Variants in KCNK13 observed in about 807,000 individuals in gnomAD.
KCNK13 encodes potassium two pore domain channel subfamily K member 13, also known as potassium channel subfamily K member 13.
KCNK13 carries 12 observed loss-of-function variants against 23.4 expected under a neutral mutation model. That is an observed-to-expected ratio of 0.51 (90% CI 0.33 to 0.83). The LOEUF (loss-of-function observed/expected upper bound fraction) is 0.83, where lower values mean the gene tolerates loss of function less well. KCNK13 is among the 40% of genes least tolerant of loss of function. The pLI, the probability that KCNK13 is intolerant of heterozygous loss-of-function variation, is 0.02. For missense variants in KCNK13, 463 were observed against 556.3 expected (o/e 0.83, Z 1.69); for synonymous variants, 231 against 229.5 (o/e 1.01, Z -0.06).
chr14:90,146,308 G>A (rs781293706), intron 1 of KCNK13, among the ~76,000 whole-genome samples: 1 of 151,978 alleles, frequency 6.6e-6, no homozygotes, highest in Non-Finnish European at 1.5e-5. Context: ...TTTATTTTGG[G>A]TTAATGTGGA....
Position 90,110,405 on chromosome 14 carries a change from G to A in KCNK13, c.334+47866G>A, listed in dbSNP as rs370273706. On this transcript the variant is annotated intron_variant, in intron 1 of 1. Coordinates refer to ENST00000282146, the MANE Select transcript of KCNK13 (RefSeq NM_022054.4). ...CAGGCACCTGTAATCCCAGCTACTC[G>A]GGAGGCAGAAGTTGCAGTGAGTCGA... Among the ~76,000 whole-genome samples the A allele has an allele frequency of 3.4e-4, 51 of 150,690 alleles. 1 individual carries two copies. In the East Asian group the frequency reaches 4.0e-3, roughly 12 times the overall value.
At chr14:90,115,040 C>T (rs1274364345) in intron 1 of KCNK13, among the ~76,000 whole-genome samples, 1 of 152,200 alleles carries the variant, frequency 6.6e-6, no homozygotes, top group Non-Finnish European at 1.5e-5. Flanking sequence ...CGATCCAAAT[C>T]ACTTCTACCA....
Position 90,185,133 on chromosome 14 carries a change from CT to C in KCNK13, c.*133del. 1.3e-6 allele frequency: 1 copy of C among 787,996 alleles called. No individual in the cohort carries two copies. The highest frequency in any genetic ancestry group is 1.9e-6 in the Non-Finnish European group (1 of 528,910). 48.8% of individuals were successfully genotyped at this position (787,996 alleles called of 1,614,324 possible). A position where few individuals can be genotyped will look rare whatever the true frequency, so the allele number is the denominator to read the frequency against. On this transcript the variant is annotated 3_prime_UTR_variant, in exon 2 of 2. Coordinates refer to ENST00000282146, the MANE Select transcript of KCNK13 (RefSeq NM_022054.4). The stretch of plus-strand genomic sequence containing the variant: ...TGTTCCCGGGAGCCTCCGCAAGCAT[CT>C]TTAGAAATCTGATCTCGGCTCCAAC...
intron 1 of KCNK13, among the ~76,000 whole-genome samples, chr14:90,104,904 C>T (rs1889525898): frequency 6.6e-6 from 1 of 151,520 alleles, no homozygotes; most frequent in Non-Finnish European, 1.5e-5. Flanking sequence ...ATCCTCCTGC[C>T]TCAGCATCCC....
At chr14:90,168,255 TC>T (rs550479553) in intron 1 of KCNK13, among the ~76,000 whole-genome samples, 123 of 152,140 alleles carry the variant, frequency 8.1e-4, no homozygotes, top group African/African-American at 2.9e-3. Flanking sequence ...GTGCCTGTAG[TC>T]CCAGCTACTG....
At chr14:90,096,214 C>G (rs1174438271) in intron 1 of KCNK13, among the ~76,000 whole-genome samples, 1 of 152,142 alleles carries the variant, frequency 6.6e-6, no homozygotes, top group Non-Finnish European at 1.5e-5. Context: ...TCAACTCAGC[C>G]TTCAGCTCCT....
intron 1 of KCNK13, among the ~76,000 whole-genome samples, chr14:90,143,174 T>TCTTTCTTTCTTTCTTTC (rs1566644736): frequency 1.3e-5 from 1 of 76,860 alleles, no homozygotes; most frequent in East Asian, 2.4e-4. Flanking sequence ...TTTCTTTCTT[T>TCTTTCTTTCTTTCTTTC]CTTTTCTTTT....
At chr14:90,072,235 C>T (rs564330337) in intron 1 of KCNK13, among the ~76,000 whole-genome samples, 2 of 152,332 alleles carry the variant, frequency 1.3e-5, no homozygotes, top group East Asian at 3.9e-4. Flanking sequence ...ATTAGGTGCT[C>T]AGGGTATATT....
At chr14:90,149,716 C>T (rs1890114047) in intron 1 of KCNK13, among the ~76,000 whole-genome samples, 1 of 152,108 alleles carries the variant, frequency 6.6e-6, no homozygotes, top group East Asian at 1.9e-4. Context: ...TCACAGCAGG[C>T]ATGGTGAGTT....
At chr14:90,107,111 G>T (rs1889553202) in intron 1 of KCNK13, among the ~76,000 whole-genome samples, 1 of 152,148 alleles carries the variant, frequency 6.6e-6, no homozygotes, top group Non-Finnish European at 1.5e-5. Context: ...GCTGACACAG[G>T]TGCTCTGTAC....
chr14:90,177,664 G>A (rs1566653045), intron 1 of KCNK13, among the ~76,000 whole-genome samples: 1 of 152,194 alleles, frequency 6.6e-6, no homozygotes, highest in Non-Finnish European at 1.5e-5. Context: ...ACACTGGTGT[G>A]TGAAGGAGTG....
chr14:90,135,397 G>A (rs1163303177), intron 1 of KCNK13, among the ~76,000 whole-genome samples: 2 of 152,194 alleles, frequency 1.3e-5, no homozygotes, highest in Non-Finnish European at 2.9e-5. Context: ...GAGGTTCACC[G>A]ACATCTCAAA....
rs1159458142 is a variant in KCNK13, at chr14:90,088,333, AG to A, written c.334+25795del. ...TAAATGTTTAACAACAAGCTTAAAA[AG>A]AAAGAAAGAAAGAAAGAAAGCTCTG... On this transcript the variant is annotated intron_variant, in intron 1 of 1. Transcript: ENST00000282146. Among the ~76,000 whole-genome samples the A allele has an allele frequency of 3.3e-3, 420 of 125,664 alleles. 3 individuals are homozygous for A. Among genetic ancestry groups the A allele is most frequent in the African/African-American group, 0.012 (398 of 32,444 alleles). 82.4% of individuals were successfully genotyped at this position (125,664 alleles called of 152,430 possible). A position where few individuals can be genotyped will look rare whatever the true frequency, so the allele number is the denominator to read the frequency against.
At chr14:90,070,028 A>T (rs1235175178) in intron 1 of KCNK13, among the ~76,000 whole-genome samples, 1 of 152,208 alleles carries the variant, frequency 6.6e-6, no homozygotes, top group African/African-American at 2.4e-5. Flanking sequence ...CCAACAACAA[A>T]CACTGTAAAT....
chr14:90,165,552 C>T (rs574464562), intron 1 of KCNK13, among the ~76,000 whole-genome samples: 9 of 152,316 alleles, frequency 5.9e-5, no homozygotes, highest in South Asian at 2.1e-4. Context: ...CACCTTTCAT[C>T]GGTTACATGC....
At chr14:90,117,282 G>A (rs1344219998) in intron 1 of KCNK13, among the ~76,000 whole-genome samples, 2 of 151,994 alleles carry the variant, frequency 1.3e-5, no homozygotes, top group South Asian at 2.1e-4. Flanking sequence ...CCTTAGAACG[G>A]CACTCAATTT....
chr14:90,131,771 A>C (rs1408295977), intron 1 of KCNK13, among the ~76,000 whole-genome samples: 1 of 152,212 alleles, frequency 6.6e-6, no homozygotes, highest in Admixed American at 6.5e-5. Context: ...GCAACCACAA[A>C]AAGGAAAATA....
intron 1 of KCNK13, among the ~76,000 whole-genome samples, chr14:90,167,677 C>A (rs1890319447): frequency 6.6e-6 from 1 of 152,122 alleles, no homozygotes; most frequent in Non-Finnish European, 1.5e-5. Context: ...AGGCAGTCCA[C>A]CAAGCTAGCA....
rs74726535 is a variant in KCNK13 at position 90,159,872 on chromosome 14, G to A, written c.335-24239G>A. On this transcript the variant is annotated intron_variant, in intron 1 of 1. Coordinates refer to ENST00000282146, the MANE Select transcript of KCNK13 (RefSeq NM_022054.4). ...CTAGATGGGTGTCCTTGGGTGAGTA[G>A]TGACAGGGCTGAGATCTGAACCCAG... Among the ~76,000 whole-genome samples, 226 of 152,172 alleles carry A rather than the reference G, an allele frequency of 1.5e-3. 2 individuals are homozygous for A. The East Asian group carries it at 0.02, about 13-fold the overall frequency.
Sources: allele counts gnomAD v4.1 joint callset (sites outside exome capture counted in the v4.1 genomes callset), GRCh38; gene constraint gnomAD v4.1.1; transcripts MANE v1.5; gene names NCBI Gene and HGNC (gene_info 2026-07-23, HGNC 2026-07-21).